Variants in STK32B observed in about 807,000 individuals in gnomAD.
The protein encoded by STK32B is serine/threonine kinase 32B.
Under a neutral mutation model 52.6 loss-of-function variants are expected in STK32B, and 43 were observed. The ratio of observed to expected loss-of-function variants is 0.82; its 90% CI spans 0.64 to 1.05. The LOEUF is 1.05. STK32B is among the 50% of genes least tolerant of loss of function. The pLI, the probability that STK32B is intolerant of heterozygous loss-of-function variation, is 0.00. For missense variants in STK32B, 621 were observed against 534.6 expected (o/e 1.16, Z -1.59); for synonymous variants, 238 against 204.3 (o/e 1.17, Z -1.41).
intron 3 of STK32B, among the ~76,000 whole-genome samples, chr4:5,330,872 G>C (rs1241303638): frequency 1.3e-5 from 2 of 152,182 alleles, no homozygotes; most frequent in African/African-American, 4.8e-5. Context: ...TAGCTCCTAC[G>C]AACAGTGACA....
intron 11 of STK32B, among the ~76,000 whole-genome samples, chr4:5,485,088 A>T (rs1205515716): frequency 1.3e-5 from 2 of 151,510 alleles, no homozygotes; most frequent in Non-Finnish European, 2.9e-5. Flanking sequence ...CTTCTCGTGG[A>T]GTATCTTGGT....
chr4:5,421,944 C>G lies in STK32B; in HGVS notation c.562+5010C>G, dbSNP rs1712683556. 7.2e-5 allele frequency among the ~76,000 whole-genome samples: 11 copies of G among 152,304 alleles called. No individual in the cohort carries two copies. In the South Asian group the frequency reaches 2.3e-3, roughly 32 times the overall value. On this transcript the variant is annotated intron_variant, in intron 6 of 11. Coordinates refer to ENST00000282908, the MANE Select transcript of STK32B (RefSeq NM_018401.3). ...AATTTGAAGCCAAGTCTATTTTGAT[C>G]TGAAGTCTATGCTTTTGCTACTACA...
intron 4 of STK32B, among the ~76,000 whole-genome samples, chr4:5,345,018 G>C (rs1408297134): frequency 6.6e-6 from 1 of 151,452 alleles, no homozygotes; most frequent in African/African-American, 2.4e-5. Context: ...TCCAGCCTGG[G>C]TGACAGTTGA....
At chr4:5,316,804 TA>T (rs1730875756) in intron 3 of STK32B, among the ~76,000 whole-genome samples, 1 of 10,882 alleles carries the variant, frequency 9.2e-5, no homozygotes, top group Non-Finnish European at 1.2e-4. Flanking sequence ...TTATATATTA[TA>T]TATATTATAT....
intron 5 of STK32B, among the ~76,000 whole-genome samples, chr4:5,408,585 G>A (rs1392143216): frequency 6.6e-6 from 1 of 152,034 alleles, no homozygotes; most frequent in Non-Finnish European, 1.5e-5. Flanking sequence ...ACAAACTAAT[G>A]CACCCTCCTC....
intron 6 of STK32B, among the ~76,000 whole-genome samples, chr4:5,428,147 C>T (rs1460819604): frequency 1.3e-5 from 2 of 151,982 alleles, no homozygotes; most frequent in African/African-American, 4.8e-5. Flanking sequence ...ATGGCTTATA[C>T]CTGTAATCCC....
intron 7 of STK32B, among the ~76,000 whole-genome samples, chr4:5,452,802 C>T (rs1212602063): frequency 6.6e-6 from 1 of 151,942 alleles, no homozygotes; most frequent in Non-Finnish European, 1.5e-5. Flanking sequence ...ACCGAGTTTC[C>T]TGGAATAGAG....
intron 1 of STK32B, among the ~76,000 whole-genome samples, chr4:5,070,533 G>A (rs78390629): frequency 0.15 from 22,731 of 152,154 alleles, 2,008 homozygotes; most frequent in Non-Finnish European, 0.2. Flanking sequence ...AAAATAAGAC[G>A]TGTAGAAGCC....
intron 3 of STK32B, among the ~76,000 whole-genome samples, chr4:5,182,101 T>A (rs1198750131): frequency 1.3e-5 from 2 of 152,232 alleles, no homozygotes; most frequent in Non-Finnish European, 2.9e-5. Context: ...GAAACTACTT[T>A]CTTTGTTCAT....
chr4:5,359,004 C>A lies in STK32B; in HGVS notation c.434+27611C>A, dbSNP rs187754766. ...ATTTTTTCAGGAGGAGGAATTAACACAGGAAAGGGGTTGGCAGATTCATTG... is the reference window on the plus strand; with the variant it reads ...ATTTTTTCAGGAGGAGGAATTAACAAAGGAAAGGGGTTGGCAGATTCATTG... On this transcript the variant is annotated intron_variant, in intron 4 of 11. Coordinates refer to ENST00000282908, the MANE Select transcript of STK32B (RefSeq NM_018401.3). 4.3e-4 allele frequency among the ~76,000 whole-genome samples: 66 copies of A among 152,238 alleles called. No individual in the cohort carries two copies. In the East Asian group the frequency reaches 0.012, roughly 28 times the overall value.
At chr4:5,251,018 C>T (rs968322176) in intron 3 of STK32B, among the ~76,000 whole-genome samples, 4 of 152,140 alleles carry the variant, frequency 2.6e-5, no homozygotes, top group African/African-American at 9.6e-5. Flanking sequence ...TGTCTTTTTA[C>T]TCTGTTGATA....
intron 3 of STK32B, among the ~76,000 whole-genome samples, chr4:5,308,887 T>C (rs1431003999): frequency 2.6e-5 from 4 of 151,954 alleles, no homozygotes; most frequent in Non-Finnish European, 5.9e-5. Context: ...TAGTACTAAA[T>C]GTCCTAGACA....
intron 11 of STK32B, among the ~76,000 whole-genome samples, chr4:5,481,269 G>T (rs1428182842): frequency 6.6e-6 from 1 of 152,128 alleles, no homozygotes; most frequent in African/African-American, 2.4e-5. Context: ...TTTAATGATT[G>T]CCATTCTAAC....
rs990603000 is a variant in STK32B at position 5,380,441 on chromosome 4, G to A, written c.435-17766G>A. 1.6e-4 allele frequency among the ~76,000 whole-genome samples: 24 copies of A among 152,202 alleles called. No homozygotes were observed. Among genetic ancestry groups the A allele is most frequent in the African/African-American group, 5.8e-4 (24 of 41,452 alleles). On this transcript the variant is annotated intron_variant, in intron 4 of 11. Coordinates refer to ENST00000282908, the MANE Select transcript of STK32B (RefSeq NM_018401.3). This position sits in a 1 kb window ranked among gnomAD's most constrained non-coding sequence, Gnocchi z 4.3. The stretch of plus-strand genomic sequence containing the variant: ...GGTACAGGAATTTTCCTGATGCTAT[G>A]TCTAATTTTGTGAACAGATATTTTG...
intron 2 of STK32B, chr4:5,140,402 C>A: frequency 1.1e-6 from 1 of 899,312 alleles, no homozygotes; most frequent in Non-Finnish European, 1.4e-6. Context: ...AAAATACTCC[C>A]CCCAGTCAAG....
At chr4:5,079,097 T>C (rs1377287413) in intron 1 of STK32B, among the ~76,000 whole-genome samples, 1 of 152,210 alleles carries the variant, frequency 6.6e-6, no homozygotes, top group African/African-American at 2.4e-5. Flanking sequence ...TTTTTTTACA[T>C]CCTAGTCATA....
At chr4:5,275,779 C>T (rs1169239976) in intron 3 of STK32B, among the ~76,000 whole-genome samples, 1 of 152,042 alleles carries the variant, frequency 6.6e-6, no homozygotes, top group East Asian at 1.9e-4. Flanking sequence ...GAGTGGCGCA[C>T]ACTGAGTACT....
chr4:5,046,768 C>T (rs1004549522), upstream of STK32B, among the ~76,000 whole-genome samples: 11 of 152,222 alleles, frequency 7.2e-5, no homozygotes, highest in African/African-American at 2.4e-4. Flanking sequence ...TAGAGAAATG[C>T]AAATCAAAAC....
intron 3 of STK32B, among the ~76,000 whole-genome samples, chr4:5,288,592 CTT>C (rs1392715253): frequency 6.6e-6 from 1 of 151,894 alleles, no homozygotes; most frequent in Non-Finnish European, 1.5e-5. Context: ...GTTTATTTGT[CTT>C]TTTATTATTG....
Sources: allele counts gnomAD v4.1 joint callset (sites outside exome capture counted in the v4.1 genomes callset), GRCh38; gene constraint gnomAD v4.1.1; non-coding constraint Gnocchi (gnomAD v3.1); transcripts MANE v1.5; gene names NCBI Gene and HGNC (gene_info 2026-07-23, HGNC 2026-07-21).